The following ACBD6 variants were observed in gnomAD, a reference collection of about 807,000 sequenced individuals.
ACBD6 encodes the protein acyl-CoA-binding domain-containing protein 6.
Under a neutral mutation model 37.2 loss-of-function variants are expected in ACBD6, and 28 were observed. The observed-to-expected ratio is 0.75, with a 90% CI of 0.56 to 1.03. The LOEUF is 1.03. Among genes scored for constraint, ACBD6 ranks in the 50% least tolerant of loss-of-function variants. The pLI is 0.00. For synonymous variants in ACBD6, 113 were observed against 126.8 expected (o/e 0.89, Z 0.73); for missense variants, 340 against 337.4 (o/e 1.01, Z -0.06).
rs1466763850 is a variant in ACBD6, at chr1:180,408,815, T to A, written c.573+4551A>T. Among the ~76,000 whole-genome samples the A allele has an allele frequency of 2.0e-5, 3 of 151,862 alleles. No homozygotes were observed. In the South Asian group the frequency reaches 6.2e-4, roughly 31 times the overall value. ...AAGTTGAAAAATCAAGAAATAGAAG[T>A]ATATTATTTAGAATTATGTAGGTAA... is the stretch of plus-strand genomic sequence containing the variant. On this transcript the variant is annotated intron_variant, in intron 5 of 7. Transcript: ENST00000367595.
chr1:180,330,441 C>A (rs1266928404), intron 6 of ACBD6, among the ~76,000 whole-genome samples: 1 of 151,466 alleles, frequency 6.6e-6, no homozygotes, highest in Non-Finnish European at 1.5e-5. Context: ...AACAAACAAA[C>A]AAACAAAAAA....
chr1:180,406,934 G>T (rs762288680), intron 5 of ACBD6, among the ~76,000 whole-genome samples: 1 of 152,146 alleles, frequency 6.6e-6, no homozygotes, highest in East Asian at 1.9e-4. Context: ...AGGGTTAAAA[G>T]TATTTAACTA....
In ACBD6 at chr1:180,302,573, A is replaced by G. The variant is rs1180607429; in HGVS notation, c.694+12119T>C. Among the ~76,000 whole-genome samples the G allele has an allele frequency of 2.6e-5, 4 of 152,074 alleles. No homozygotes were observed. The East Asian group carries it at 5.8e-4, about 22-fold the overall frequency. On this transcript the variant is annotated intron_variant, in intron 7 of 7. Coordinates refer to ENST00000367595, the MANE Select transcript of ACBD6 (RefSeq NM_032360.4). Reference sequence around the variant, plus strand: ...TTTTTGTTTTCCATTTGCTTGGTAGATCTTCCTTCATCCCTTTATTTTGAG... The same window carrying G: ...TTTTTGTTTTCCATTTGCTTGGTAGGTCTTCCTTCATCCCTTTATTTTGAG...
At chr1:180,384,326 A>G (rs1232724763) in intron 6 of ACBD6, among the ~76,000 whole-genome samples, 1 of 152,184 alleles carries the variant, frequency 6.6e-6, no homozygotes, top group African/African-American at 2.4e-5. Flanking sequence ...TAATAATCCT[A>G]TTAAAAAATG....
intron 6 of ACBD6, among the ~76,000 whole-genome samples, chr1:180,341,707 AG>A (rs1651991546): frequency 6.6e-6 from 1 of 152,254 alleles, no homozygotes; most frequent in Admixed American, 6.5e-5. Flanking sequence ...CTGTTATTTC[AG>A]GAAAACCAAT....
intron 2 of ACBD6, among the ~76,000 whole-genome samples, chr1:180,494,162 T>A (rs1557894239): frequency 6.6e-6 from 1 of 152,140 alleles, no homozygotes; most frequent in Non-Finnish European, 1.5e-5. Context: ...TAACAAAAAT[T>A]TTCCTCAATA....
intron 3 of ACBD6, chr1:180,434,689 G>T: frequency 6.8e-6 from 3 of 437,996 alleles, no homozygotes; most frequent in Non-Finnish European, 1.3e-5. Flanking sequence ...GCTTCGAGTT[G>T]TCCTGTCTTT....
intron 6 of ACBD6, among the ~76,000 whole-genome samples, chr1:180,338,602 C>T (rs1364490032): frequency 6.6e-6 from 1 of 152,174 alleles, no homozygotes; most frequent in East Asian, 1.9e-4. Flanking sequence ...CAATACCATT[C>T]AGGACATAGG....
intron 5 of ACBD6, among the ~76,000 whole-genome samples, chr1:180,409,893 T>C (rs569706458): frequency 2.6e-5 from 4 of 152,350 alleles, no homozygotes; most frequent in South Asian, 2.1e-4. Context: ...GAGGAAGGCA[T>C]ACTGAAAACC....
chr1:180,323,801 T>A (rs1470697793), intron 6 of ACBD6, among the ~76,000 whole-genome samples: 1 of 152,090 alleles, frequency 6.6e-6, no homozygotes, highest in African/African-American at 2.4e-5. Context: ...ATAGGTGAAG[T>A]GTGTCTCTTG....
chr1:180,496,061 T>A (rs774380493), intron 1 of ACBD6, among the ~76,000 whole-genome samples: 1 of 152,164 alleles, frequency 6.6e-6, no homozygotes, highest in Non-Finnish European at 1.5e-5. Context: ...CCAAAAGCCA[T>A]GCAAAAAATT....
chr1:180,486,479 C>A (rs1457697392), intron 3 of ACBD6, among the ~76,000 whole-genome samples: 1 of 152,182 alleles, frequency 6.6e-6, no homozygotes, highest in East Asian at 1.9e-4. Flanking sequence ...AGAGTAAAAT[C>A]TCAGACCTTT....
exon 14 of ACBD6, chr1:180,269,719 T>C (rs1648518306): frequency 6.6e-6 from 1 of 152,234 alleles, no homozygotes; most frequent in Non-Finnish European, 1.5e-5. Context: ...CTATTTCCCA[T>C]TTGCATAATT....
chr1:180,330,364 G>A (rs1309295464), intron 6 of ACBD6, among the ~76,000 whole-genome samples: 2 of 151,596 alleles, frequency 1.3e-5, no homozygotes, highest in Non-Finnish European at 1.5e-5. Flanking sequence ...AGGCTGTGGT[G>A]AGCCATGATT....
intron 4 of ACBD6, among the ~76,000 whole-genome samples, chr1:180,420,719 T>G (rs562278986): frequency 4.6e-5 from 7 of 152,148 alleles, no homozygotes; most frequent in Admixed American, 2.6e-4. Context: ...AGAAAAAGGG[T>G]TCTCATTGTC....
At chr1:180,365,840 T>C (rs1486872357) in intron 6 of ACBD6, among the ~76,000 whole-genome samples, 1 of 152,220 alleles carries the variant, frequency 6.6e-6, no homozygotes, top group African/African-American at 2.4e-5. Flanking sequence ...AAATTACTTT[T>C]CTTTGAAGAG....
intron 7 of ACBD6, among the ~76,000 whole-genome samples, chr1:180,300,872 T>A (rs1177916660): frequency 1.3e-5 from 2 of 152,184 alleles, no homozygotes; most frequent in African/African-American, 4.8e-5. Flanking sequence ...AAGAAAAGAT[T>A]TTCTTTAATT....
At chr1:180,395,906 T>A (rs1654243025) in intron 6 of ACBD6, among the ~76,000 whole-genome samples, 1 of 152,140 alleles carries the variant, frequency 6.6e-6, no homozygotes, top group African/African-American at 2.4e-5. Flanking sequence ...GCAAACCAAG[T>A]GCCACAGATA....
intron 4 of ACBD6, among the ~76,000 whole-genome samples, chr1:180,428,159 A>T (rs1413992190): frequency 6.6e-6 from 1 of 152,158 alleles, no homozygotes; most frequent in Non-Finnish European, 1.5e-5. Flanking sequence ...TCAGAATATG[A>T]AGATTTAGAT....
Sources: gnomAD v4.1 joint callset for allele counts (sites outside exome capture counted in the v4.1 genomes callset) on GRCh38, gnomAD v4.1.1 for gene constraint, MANE v1.5 for transcripts, NCBI Gene and HGNC (gene_info 2026-07-23, HGNC 2026-07-21) for gene names.